STK38L: variants seen among roughly 807,000 people sequenced by gnomAD.
The protein encoded by STK38L is serine/threonine-protein kinase 38-like.
In STK38L, 28 loss-of-function variants were observed where a neutral mutation model predicts 59.7. That is an observed-to-expected ratio of 0.47 (90% CI 0.35 to 0.64). STK38L has a LOEUF of 0.64. Among genes scored for constraint, STK38L ranks in the 30% least tolerant of loss-of-function variants. The probability of loss-of-function intolerance (pLI) is 0.01; values close to 1 mark genes in which losing one functional copy is unlikely to be tolerated. For missense variants in STK38L, 314 were observed against 555.8 expected, an observed-to-expected ratio of 0.56 and a Z score of 4.37; for synonymous variants, 162 against 176.8, an observed-to-expected ratio of 0.92 and a Z score of 0.66.
intron 1 of STK38L, among the ~76,000 whole-genome samples, chr12:27,249,717 T>C (rs1452533532): frequency 1.3e-5 from 2 of 152,236 alleles, no homozygotes; most frequent in Non-Finnish European, 2.9e-5. Flanking sequence ...CCCAAATTGT[T>C]GATTCTCTGG....
Position 27,291,770 on chromosome 12 carries a change from G to A in STK38L, c.-11-5940G>A, listed in dbSNP as rs568287803. Among the ~76,000 whole-genome samples the A allele has an allele frequency of 5.3e-5, 8 of 152,190 alleles. No homozygotes were observed. The South Asian group carries it at 1.2e-3, about 24-fold the overall frequency. ...TGCAACTAGTGAATTGAATTTAGGC[G>A]AATTTTTATACTACAAGGCAATATA... On this transcript the variant is annotated intron_variant, in intron 1 of 13. Coordinates refer to ENST00000389032, the MANE Select transcript of STK38L (RefSeq NM_015000.4).
chr12:27,246,041 T>C (rs935848270), intron 1 of STK38L, among the ~76,000 whole-genome samples: 8 of 152,188 alleles, frequency 5.3e-5, no homozygotes, highest in African/African-American at 1.9e-4. Context: ...TGAGTTTGTT[T>C]TAAAATAAGT....
chr12:27,269,436 C>T (rs562503549), intron 1 of STK38L, among the ~76,000 whole-genome samples: 61 of 152,130 alleles, frequency 4.0e-4, no homozygotes, highest in African/African-American at 9.4e-4. Context: ...GTTGTAGATA[C>T]GCGACATTAT....
intron 3 of STK38L, 70 bp downstream of exon 3, chr12:27,302,258 A>G (rs934231193): frequency 3.3e-5 from 38 of 1,158,146 alleles, no homozygotes; most frequent in Non-Finnish European, 4.5e-5. Context: ...GACATCAGGT[A>G]TTTTATAACT....
chr12:27,302,743 G>A (rs541355552), intron 3 of STK38L, among the ~76,000 whole-genome samples: 3 of 151,958 alleles, frequency 2.0e-5, no homozygotes, highest in Admixed American at 6.6e-5. Flanking sequence ...TACCTGGGCC[G>A]GGCGCGGTAG....
At chr12:27,304,548 T>C (rs1055737575) in intron 3 of STK38L, among the ~76,000 whole-genome samples, 6 of 152,166 alleles carry the variant, frequency 3.9e-5, no homozygotes, top group Admixed American at 6.5e-5. Flanking sequence ...TTATGTCCTT[T>C]AAATTTTAGT....
At chr12:27,273,339 G>T (rs546918965) in intron 1 of STK38L, among the ~76,000 whole-genome samples, 3 of 152,032 alleles carry the variant, frequency 2.0e-5, no homozygotes, top group African/African-American at 7.3e-5. Flanking sequence ...GCCCACCTAC[G>T]CATGGCTTGG....
In STK38L at chr12:27,322,750, C is replaced by G. The variant is rs1297016006; in HGVS notation, c.*295C>G. ...GCACTGCCTACATGCGTATTAAGGT[C>G]CATTCTGCCTGTGTGTGCTGTGGCT... On this transcript the variant is annotated 3_prime_UTR_variant, in exon 14 of 14. Coordinates refer to ENST00000389032, the MANE Select transcript of STK38L (RefSeq NM_015000.4). The G allele has an allele frequency of 8.8e-6, 2 of 226,598 alleles. No individual in the cohort carries two copies. Among genetic ancestry groups the G allele is most frequent in the Admixed American group, 1.0e-4 (2 of 19,088 alleles). 14.0% of individuals were successfully genotyped at this position (226,598 alleles called of 1,614,324 possible).
intron 1 of STK38L, among the ~76,000 whole-genome samples, chr12:27,268,675 A>G (rs1391879194): frequency 6.6e-6 from 1 of 152,136 alleles, no homozygotes; most frequent in Non-Finnish European, 1.5e-5. Flanking sequence ...CTAGTTTTAG[A>G]TCCCTGAGGA....
chr12:27,282,357 T>A (rs922599689), intron 1 of STK38L, among the ~76,000 whole-genome samples: 1 of 152,222 alleles, frequency 6.6e-6, no homozygotes, highest in African/African-American at 2.4e-5. Context: ...CTATTTAAAA[T>A]GGCCTGTGAT....
Position 27,244,325 on chromosome 12 carries a change from G to C in STK38L, c.-19G>C, listed in dbSNP as rs1464117352. On this transcript the variant is annotated 5_prime_UTR_variant, in exon 1 of 14. Coordinates refer to ENST00000389032, the MANE Select transcript of STK38L (RefSeq NM_015000.4). ...GGCTGAGCCGGCCGCGGGCGCGACC[G>C]GAGGCAGGTGAGTTCGCGGATGTAG... 1.3e-5 allele frequency: 2 copies of C among 152,292 alleles called. No homozygotes were observed. The highest frequency in any genetic ancestry group is 1.3e-4 in the Admixed American group (2 of 15,286). The allele number at this position is 152,292 out of a possible 1,614,324, so 9.4% of individuals were successfully genotyped here. A position where few individuals can be genotyped will look rare whatever the true frequency, so the allele number is the denominator to read the frequency against.
chr12:27,254,079 C>T (rs1016150338), intron 1 of STK38L, among the ~76,000 whole-genome samples: 6 of 152,186 alleles, frequency 3.9e-5, no homozygotes, highest in Admixed American at 2.0e-4. Flanking sequence ...AGTAAATCCA[C>T]TAAAATCCTT....
intron 1 of STK38L, among the ~76,000 whole-genome samples, chr12:27,274,233 C>CAAAAA (rs35554589): frequency 4.2e-5 from 6 of 143,232 alleles, no homozygotes; most frequent in Non-Finnish European, 7.6e-5. Flanking sequence ...AAGACTCTGT[C>CAAAAA]AAAAAAAAAA....
At chr12:27,280,141 G>A (rs1045526161) in intron 1 of STK38L, among the ~76,000 whole-genome samples, 6 of 152,098 alleles carry the variant, frequency 3.9e-5, no homozygotes, top group African/African-American at 1.4e-4. Context: ...ACTATGAAGG[G>A]TTTCTGTTTC....
At chr12:27,275,616 G>A (rs960888673) in intron 1 of STK38L, among the ~76,000 whole-genome samples, 2 of 152,300 alleles carry the variant, frequency 1.3e-5, no homozygotes. Context: ...TGGGATTACA[G>A]GCATGAGCCA....
At chr12:27,262,329 A>T (rs1943218552) in intron 1 of STK38L, among the ~76,000 whole-genome samples, 1 of 152,226 alleles carries the variant, frequency 6.6e-6, no homozygotes, top group African/African-American at 2.4e-5. Flanking sequence ...TAGAAATTTT[A>T]TTGAAAATTA....
chr12:27,262,741 G>C (rs1021414254), intron 1 of STK38L, among the ~76,000 whole-genome samples: 1 of 148,314 alleles, frequency 6.7e-6, no homozygotes, highest in African/African-American at 2.5e-5. Context: ...AATATGGATA[G>C]ATGTATTTAA....
chr12:27,258,871 T>C (rs1026733545), intron 1 of STK38L, among the ~76,000 whole-genome samples: 1 of 152,220 alleles, frequency 6.6e-6, no homozygotes, highest in Non-Finnish European at 1.5e-5. Context: ...TTGGTAACAC[T>C]ATTGCCTAAG....
Position 27,309,215 on chromosome 12 carries a change from C to T in STK38L, c.393+18C>T, listed in dbSNP as rs780640362. 1 of 1,560,428 alleles carries T rather than the reference C, an allele frequency of 6.4e-7. No individual in the cohort carries two copies. The highest frequency in any genetic ancestry group is 2.3e-5 in the East Asian group (1 of 43,220). On this transcript the variant is annotated intron_variant, in intron 5 of 13. Transcript: ENST00000389032. The stretch of plus-strand genomic sequence containing the variant: ...AAGAGCAGGTATGAGTTCTTTAACA[C>T]ATGTAATATAAAGGAGCATCCACTG...
Sources: allele counts gnomAD v4.1 joint callset (sites outside exome capture counted in the v4.1 genomes callset), GRCh38; gene constraint gnomAD v4.1.1; transcripts MANE v1.5; gene names NCBI Gene and HGNC (gene_info 2026-07-23, HGNC 2026-07-21).